Variants in NBAS observed in about 807,000 individuals in gnomAD.
The protein encoded by NBAS is NBAS subunit of NRZ tethering complex, also known as NAG/BC035112 fusion.
Under a neutral mutation model 302.5 loss-of-function variants are expected in NBAS, and 219 were observed. That is an observed-to-expected ratio of 0.72 (90% CI 0.65 to 0.81). The LOEUF (loss-of-function observed/expected upper bound fraction) is 0.81. NBAS is among the 30% of genes least tolerant of loss of function. NBAS has a pLI of 0.00. For missense variants in NBAS, 2,932 were observed against 2,841.6 expected, an observed-to-expected ratio of 1.03 and a Z score of -0.72; for synonymous variants, 1,118 against 1,021.6, an observed-to-expected ratio of 1.09 and a Z score of -1.80.
the NBAS span, among the ~76,000 whole-genome samples, chr2:14,927,524 G>T: frequency 6.6e-6 from 1 of 152,168 alleles, no homozygotes; most frequent in Non-Finnish European, 1.5e-5. Flanking sequence ...ATGAACATGG[G>T]TATATAGATA....
chr2:14,896,105 C>T, the NBAS span, among the ~76,000 whole-genome samples: 2 of 152,020 alleles, frequency 1.3e-5, no homozygotes, highest in Non-Finnish European at 2.9e-5. Flanking sequence ...CAAAATTAAT[C>T]CGGGAGAAGA....
At chr2:15,385,899 G>C (rs542619903) in intron 28 of NBAS, among the ~76,000 whole-genome samples, 1 of 152,290 alleles carries the variant, frequency 6.6e-6, no homozygotes, top group Non-Finnish European at 1.5e-5. Context: ...TGGGGGGTTG[G>C]GGGAGATGGG....
chr2:15,176,821 G>A (rs556014306), intron 51 of NBAS, among the ~76,000 whole-genome samples: 3 of 152,222 alleles, frequency 2.0e-5, no homozygotes, highest in African/African-American at 7.2e-5. Flanking sequence ...ATGTCACACT[G>A]GGGGGAACTG....
chr2:15,428,939 G>A (rs901214673), intron 21 of NBAS, among the ~76,000 whole-genome samples: 1 of 151,818 alleles, frequency 6.6e-6, no homozygotes, highest in African/African-American at 2.4e-5. Flanking sequence ...TCAGGAGGCT[G>A]AGGCAGGAGA....
chr2:15,224,369 TTA>T (rs2147903140), intron 47 of NBAS, among the ~76,000 whole-genome samples: 1 of 152,270 alleles, frequency 6.6e-6, no homozygotes, highest in Admixed American at 6.5e-5. Flanking sequence ...TAAAATATTC[TTA>T]TATGAGAATG....
intron 47 of NBAS, among the ~76,000 whole-genome samples, chr2:15,225,907 C>T (rs1024302772): frequency 6.6e-6 from 1 of 152,154 alleles, no homozygotes; most frequent in Non-Finnish European, 1.5e-5. Context: ...CAGAGAGAAG[C>T]ATGTCAAAGA....
the NBAS span, among the ~76,000 whole-genome samples, chr2:15,097,829 T>C: frequency 6.8e-6 from 1 of 146,348 alleles, no homozygotes; most frequent in Non-Finnish European, 1.5e-5. Context: ...GTAAGAATAT[T>C]TAGAGATTAA....
At chr2:15,477,059 G>C (rs180834276) in intron 13 of NBAS, among the ~76,000 whole-genome samples, 28 of 152,242 alleles carry the variant, frequency 1.8e-4, no homozygotes, top group Non-Finnish European at 1.5e-5. Context: ...AGTTCCTGGG[G>C]CTTATCACTA....
At chr2:14,927,068 C>T in the NBAS span, among the ~76,000 whole-genome samples, 6 of 152,194 alleles carry the variant, frequency 3.9e-5, no homozygotes, top group South Asian at 2.1e-4. Context: ...CCTCCCTGAG[C>T]GAGAGGGAAT....
the NBAS span, among the ~76,000 whole-genome samples, chr2:15,132,755 C>G: frequency 6.6e-6 from 1 of 151,632 alleles, no homozygotes; most frequent in Non-Finnish European, 1.5e-5. Context: ...AAAAAAAAGT[C>G]TATTTTTAAA....
chr2:15,168,295 T>C lies in NBAS; in HGVS notation c.6841-972A>G, dbSNP rs576222547. 9.2e-5 allele frequency among the ~76,000 whole-genome samples: 14 copies of C among 152,316 alleles called. 1 individual carries two copies. Among genetic ancestry groups the C allele is most frequent in the Admixed American group, 9.2e-4 (14 of 15,298 alleles). On this transcript the variant is annotated intron_variant, in intron 51 of 51. Transcript: ENST00000281513. The stretch of plus-strand genomic sequence containing the variant: ...AACTATATTATGCAACTGTACACAA[T>C]GTGCTCTTCCTGCATGTTCTGTGAC...
intron 9 of NBAS, among the ~76,000 whole-genome samples, chr2:15,513,628 C>T (rs984913694): frequency 5.4e-5 from 8 of 148,972 alleles, no homozygotes; most frequent in African/African-American, 2.0e-4. Flanking sequence ...TCAGAACCCA[C>T]ACACACATAA....
At chr2:14,892,340 G>A in the NBAS span, among the ~76,000 whole-genome samples, 2 of 152,146 alleles carry the variant, frequency 1.3e-5, no homozygotes, top group Non-Finnish European at 2.9e-5. Flanking sequence ...TCAAGAAAAT[G>A]TTGCAACTTG....
chr2:15,020,233 C>T, the NBAS span, among the ~76,000 whole-genome samples: 1 of 152,146 alleles, frequency 6.6e-6, no homozygotes, highest in Admixed American at 6.5e-5. Flanking sequence ...GAGGGCAAGA[C>T]TTGATTTTAA....
the NBAS span, among the ~76,000 whole-genome samples, chr2:14,800,388 C>A: frequency 6.6e-6 from 1 of 152,188 alleles, no homozygotes; most frequent in African/African-American, 2.4e-5. Context: ...GTGACTTGGT[C>A]TTCCTTGCCT....
chr2:15,264,491 C>A (rs1668986123), intron 44 of NBAS, among the ~76,000 whole-genome samples: 1 of 152,170 alleles, frequency 6.6e-6, no homozygotes, highest in South Asian at 2.1e-4. Flanking sequence ...TAAATGATTA[C>A]CTTCGCCAAT....
At chr2:14,898,654 T>C in the NBAS span, among the ~76,000 whole-genome samples, 2 of 152,038 alleles carry the variant, frequency 1.3e-5, no homozygotes, top group African/African-American at 2.4e-5. Context: ...CAAGATCTGA[T>C]GGTTTTATCA....
At chr2:15,374,095 T>C (rs576843664) in intron 31 of NBAS, among the ~76,000 whole-genome samples, 1 of 152,334 alleles carries the variant, frequency 6.6e-6, no homozygotes, top group Non-Finnish European at 1.5e-5. Flanking sequence ...TAAAAGAAGT[T>C]GAGTAATATT....
chr2:15,535,293 G>A (rs756973242), intron 8 of NBAS, among the ~76,000 whole-genome samples: 2 of 152,010 alleles, frequency 1.3e-5, no homozygotes, highest in African/African-American at 2.4e-5. Flanking sequence ...AGGCCGAGGC[G>A]GGCAGATCAC....
Sources: gnomAD v4.1 joint callset for allele counts (sites outside exome capture counted in the v4.1 genomes callset) on GRCh38, gnomAD v4.1.1 for gene constraint, MANE v1.5 for transcripts, NCBI Gene and HGNC (gene_info 2026-07-23, HGNC 2026-07-21) for gene names.